SLC45A3: variants seen among roughly 807,000 people sequenced by gnomAD.
SLC45A3 encodes solute carrier family 45 member 3.
A neutral mutation model predicts 35.3 loss-of-function variants in SLC45A3; 17 were observed. That is an observed-to-expected ratio of 0.48 (90% CI 0.33 to 0.72). The LOEUF is 0.72. Among genes scored for constraint, SLC45A3 ranks in the 30% least tolerant of loss-of-function variants. The pLI, the probability that SLC45A3 is intolerant of heterozygous loss-of-function variation, is 0.02. For missense variants in SLC45A3, 597 were observed against 731.7 expected (o/e 0.82, Z 2.12); for synonymous variants, 288 against 334.3 (o/e 0.86, Z 1.51).
intron 1 of SLC45A3, among the ~76,000 whole-genome samples, chr1:205,676,187 C>G (rs1481965313): frequency 5.3e-5 from 8 of 152,256 alleles, no homozygotes; most frequent in Non-Finnish European, 1.0e-4. Context: ...GCCAGGCACT[C>G]CTAGCTTGAA....
At chr1:205,680,230 T>A (rs1415220561) in intron 1 of SLC45A3, among the ~76,000 whole-genome samples, 164 bp downstream of exon 1, 1 of 151,806 alleles carries the variant, frequency 6.6e-6, no homozygotes, top group Non-Finnish European at 1.5e-5. Flanking sequence ...CGCCCTCCTC[T>A]GGGATTCGCG....
Position 205,662,332 on chromosome 1 carries a change from CT to C in SLC45A3, c.959-207del. On this transcript the variant is annotated intron_variant, in intron 3 of 4. Coordinates refer to ENST00000367145, the MANE Select transcript of SLC45A3 (RefSeq NM_033102.3). This position sits in a 1 kb window ranked among gnomAD's most constrained non-coding sequence, Gnocchi z 6.2. ...CCCTCAGAGAATGTGGGCAACGCCCCTTGCTGAAGGCAGAGGAAGGTAGTCT... is the reference window on the plus strand; with the variant it reads ...CCCTCAGAGAATGTGGGCAACGCCCCTGCTGAAGGCAGAGGAAGGTAGTCT... 7.1e-7 allele frequency: 1 copy of C among 1,416,530 alleles called. No individual in the cohort carries two copies. The highest frequency in any genetic ancestry group is 9.2e-7 in the Non-Finnish European group (1 of 1,089,810). 87.7% of individuals were successfully genotyped at this position (1,416,530 alleles called of 1,614,324 possible). A position where few individuals can be genotyped will look rare whatever the true frequency, so the allele number is the denominator to read the frequency against.
chr1:205,672,758 C>T (rs1226420258), intron 1 of SLC45A3, among the ~76,000 whole-genome samples: 4 of 152,112 alleles, frequency 2.6e-5, no homozygotes. Context: ...GCCATCTCAC[C>T]TCTCTGGGAC....
At chr1:205,661,072 C>G (rs2102402317) in intron 4 of SLC45A3, among the ~76,000 whole-genome samples, 1 of 152,336 alleles carries the variant, frequency 6.6e-6, no homozygotes, top group Middle Eastern at 3.4e-3. Context: ...ACTTCATGCC[C>G]CTCAAGGCAG....
intron 1 of SLC45A3, among the ~76,000 whole-genome samples, chr1:205,667,919 G>C (rs546188454): frequency 1.2e-4 from 18 of 152,076 alleles, no homozygotes; most frequent in Non-Finnish European, 2.5e-4. Flanking sequence ...CCCAGTTCCT[G>C]GGGTGCCTTT....
At chr1:205,670,119 C>T (rs373869403) in intron 1 of SLC45A3, among the ~76,000 whole-genome samples, 23 of 152,256 alleles carry the variant, frequency 1.5e-4, no homozygotes, top group East Asian at 9.7e-4. Context: ...CCCACCCTCA[C>T]GGCAGCTCCA....
intron 1 of SLC45A3, among the ~76,000 whole-genome samples, chr1:205,670,637 C>G (rs537808608): frequency 1.3e-5 from 2 of 152,218 alleles, no homozygotes; most frequent in Non-Finnish European, 2.9e-5. Flanking sequence ...TTTTCTTCAC[C>G]GTTACTGGAA....
At chr1:205,661,547 T>C (rs986830217) in intron 4 of SLC45A3, among the ~76,000 whole-genome samples, 1 of 152,190 alleles carries the variant, frequency 6.6e-6, no homozygotes, top group Non-Finnish European at 1.5e-5. Flanking sequence ...TGCCTCTCCA[T>C]AGAACAACCA....
intron 1 of SLC45A3, among the ~76,000 whole-genome samples, chr1:205,671,419 G>A (rs1236714627): frequency 2.0e-5 from 3 of 152,192 alleles, no homozygotes; most frequent in Non-Finnish European, 2.9e-5. Flanking sequence ...TCTGAATCCT[G>A]ACGTCCCCAA....
At chr1:205,663,728 G>A in intron 2 of SLC45A3, 110 bp from the exon 3 acceptor site, 1 of 1,098,304 alleles carries the variant, frequency 9.1e-7, no homozygotes, top group Non-Finnish European at 1.3e-6. Context: ...ACTCGACACT[G>A]TGCTACGTCT....
chr1:205,678,396 C>T (rs1671346147), intron 1 of SLC45A3, among the ~76,000 whole-genome samples: 1 of 152,092 alleles, frequency 6.6e-6, no homozygotes, highest in Non-Finnish European at 1.5e-5. Flanking sequence ...GATGATAGTA[C>T]TTAAAGTCTT....
chr1:205,671,859 CTG>C (rs1313617049), intron 1 of SLC45A3, among the ~76,000 whole-genome samples: 7 of 20,306 alleles, frequency 3.4e-4, no homozygotes, highest in African/African-American at 4.1e-4. Context: ...CAGGGTGACT[CTG>C]TCTCAAACAA....
At position 205,662,235 on chromosome 1, in the gene SLC45A3, T is replaced by C; in HGVS notation, c.959-109A>G. The C allele has an allele frequency of 6.8e-7, 1 of 1,471,900 alleles. No individual in the cohort carries two copies. The highest frequency in any genetic ancestry group is 1.4e-5 in the African/African-American group (1 of 71,440). The allele number at this position is 1,471,900 out of a possible 1,614,324, so 91.2% of individuals were successfully genotyped here. Reference sequence around the variant, plus strand: ...GGTACCTGCTGCACGAGACCTGCTGTGGACCAGCCCTGCTCCCCAGCACCC... The same window carrying C: ...GGTACCTGCTGCACGAGACCTGCTGCGGACCAGCCCTGCTCCCCAGCACCC... On this transcript the variant is annotated intron_variant, in intron 3 of 4. Transcript: ENST00000367145. The surrounding 1 kb of genome is among the most constrained non-coding windows in gnomAD (Gnocchi z 6.2).
Position 205,670,094 on chromosome 1 carries a change from G to A in SLC45A3, c.-230-5208C>T, listed in dbSNP as rs1432974826. Among the ~76,000 whole-genome samples the A allele has an allele frequency of 5.3e-5, 8 of 151,326 alleles. No homozygotes were observed. The Admixed American group carries it at 5.3e-4, about 10-fold the overall frequency. On this transcript the variant is annotated intron_variant, in intron 1 of 4. Transcript: ENST00000367145. ...CCTAATGAAACCTGGCACACTGACT[G>A]CACTCCCCACGAGCCCCACCCTCAC... is the stretch of plus-strand genomic sequence containing the variant.
rs1434974534 is a variant in SLC45A3, at chr1:205,663,304, C to G, written c.487G>C (p.Val163Leu). ...CCAAGACTGATCATGAAGGCATAGA[C>G]AGAGTAGGCCTGGCGACAGTGGTCC... is the stretch of plus-strand genomic sequence containing the variant. ...DPDHCRQAYS[V>L]YAFMISLGGC... Residue 163 changes from valine to leucine, a missense_variant, in exon 3 of 5, where the codon GTC (valine) becomes CTC (leucine). By Grantham distance (32) the Val-to-Leu change is conservative. Transcript: ENST00000367145. 3 of 1,613,456 alleles carry G rather than the reference C, an allele frequency of 1.9e-6. No homozygotes were observed. The highest frequency in any genetic ancestry group is 2.5e-6 in the Non-Finnish European group (3 of 1,180,036).
At position 205,664,847 on chromosome 1, in the gene SLC45A3, G is replaced by C; in HGVS notation, c.-191C>G. ...CAGCCCATGCTCAACACCTGCTGCT[G>C]TGGGGCACCTCAGTGGGGACACGTC... On this transcript the variant is annotated 5_prime_UTR_variant, in exon 2 of 5. Coordinates refer to ENST00000367145, the MANE Select transcript of SLC45A3 (RefSeq NM_033102.3). The surrounding 1 kb of genome is among the most constrained non-coding windows in gnomAD (Gnocchi z 5.3). 7.0e-7 allele frequency: 1 copy of C among 1,423,382 alleles called. No individual in the cohort carries two copies. Among genetic ancestry groups the C allele is most frequent in the Non-Finnish European group, 9.2e-7 (1 of 1,092,792 alleles). The allele number at this position is 1,423,382 out of a possible 1,614,324, so 88.2% of individuals were successfully genotyped here. A position where few individuals can be genotyped will look rare whatever the true frequency, so the allele number is the denominator to read the frequency against.
In SLC45A3 at chr1:205,677,118, T is replaced by A. The variant is rs1374504452; in HGVS notation, c.-231+3276A>T. Among the ~76,000 whole-genome samples, 3 of 152,302 alleles carry A rather than the reference T, an allele frequency of 2.0e-5. No individual in the cohort carries two copies. The East Asian group carries it at 5.8e-4, about 29-fold the overall frequency. On this transcript the variant is annotated intron_variant, in intron 1 of 4. Coordinates refer to ENST00000367145, the MANE Select transcript of SLC45A3 (RefSeq NM_033102.3). Reference sequence around the variant, plus strand: ...ATAGAAGGCTCTTAACTTCTCAGGATATACATTCATGTTCATGGTACCCTT... The same window carrying A: ...ATAGAAGGCTCTTAACTTCTCAGGAAATACATTCATGTTCATGGTACCCTT...
At chr1:205,678,537 G>C (rs1008047996) in intron 1 of SLC45A3, among the ~76,000 whole-genome samples, 3 of 152,150 alleles carry the variant, frequency 2.0e-5, no homozygotes, top group Non-Finnish European at 2.9e-5. Context: ...GGGCTCAGGA[G>C]ACCACCAGGG....
intron 1 of SLC45A3, among the ~76,000 whole-genome samples, chr1:205,673,228 C>T (rs577792707): frequency 6.6e-6 from 1 of 152,154 alleles, no homozygotes; most frequent in African/African-American, 2.4e-5. Context: ...ACTGAATTCT[C>T]TTCTTGGGCC....
Sources: gnomAD v4.1 joint callset for allele counts (sites outside exome capture counted in the v4.1 genomes callset) on GRCh38, gnomAD v4.1.1 for gene constraint, Gnocchi (gnomAD v3.1) non-coding constraint, MANE v1.5 for transcripts, NCBI Gene and HGNC (gene_info 2026-07-23, HGNC 2026-07-21) for gene names.